CCDC141: variants seen among roughly 807,000 people sequenced by gnomAD.
The protein encoded by CCDC141 is coiled-coil domain containing 141.
Under a neutral mutation model 181.0 loss-of-function variants are expected in CCDC141, and 168 were observed. The observed-to-expected ratio is 0.93, with a 90% CI of 0.82 to 1.05. The LOEUF (loss-of-function observed/expected upper bound fraction) is 1.05. Among genes scored for constraint, CCDC141 ranks in the 50% least tolerant of loss-of-function variants. The probability of loss-of-function intolerance (pLI) is 0.00; values close to 1 mark genes in which losing one functional copy is unlikely to be tolerated. For missense variants in CCDC141, 1,902 were observed against 1,788.5 expected, an observed-to-expected ratio of 1.06 and a Z score of -1.14; for synonymous variants, 666 against 642.3, an observed-to-expected ratio of 1.04 and a Z score of -0.56.
chr2:178,974,850 G>A (rs1691049184), intron 4 of CCDC141, among the ~76,000 whole-genome samples: 6 of 152,074 alleles, frequency 3.9e-5, no homozygotes, highest in Admixed American at 3.9e-4. Context: ...TCTCCTGGAG[G>A]CATATCCTCT....
chr2:179,035,103 G>T (rs2043105536), intron 2 of CCDC141, among the ~76,000 whole-genome samples: 4 of 152,042 alleles, frequency 2.6e-5, no homozygotes, highest in Admixed American at 2.6e-4. Context: ...GTAGATCTCT[G>T]TGTGCTGAAT....
At chr2:178,932,397 C>T (rs1448511382) in intron 6 of CCDC141, among the ~76,000 whole-genome samples, 1 of 152,182 alleles carries the variant, frequency 6.6e-6, no homozygotes, top group African/African-American at 2.4e-5. Flanking sequence ...ATGCTGTATA[C>T]TGCCTGGGAG....
At chr2:179,034,492 A>T (rs1269417557) in intron 2 of CCDC141, among the ~76,000 whole-genome samples, 2 of 152,226 alleles carry the variant, frequency 1.3e-5, no homozygotes, top group African/African-American at 4.8e-5. Flanking sequence ...GTACCTCTGA[A>T]CTTAAGTTTT....
Position 178,978,605 on chromosome 2 carries a change from C to T in CCDC141, c.296G>A (p.Ser99Asn). ...CTCGGCCATGGCATCATAGACCTGA[C>T]TCTGATCCTTGTTCTCTTCAGCTGT... ...DKTAEENKDQSQVYDAMAETL... is the reference protein window; with the variant it reads ...DKTAEENKDQNQVYDAMAETL... Residue 99 changes from serine to asparagine, a missense_variant, in exon 3 of 24, where the codon AGT becomes AAT. Transcript: ENST00000443758. The T allele has an allele frequency of 6.5e-7, 1 of 1,549,856 alleles. No homozygotes were observed.
chr2:179,009,985 A>G (rs958107202), intron 2 of CCDC141, among the ~76,000 whole-genome samples: 2 of 152,174 alleles, frequency 1.3e-5, no homozygotes, highest in African/African-American at 4.8e-5. Context: ...CTTTGGACAC[A>G]CTTTTAGAAA....
the CCDC141 span, among the ~76,000 whole-genome samples, chr2:178,818,862 C>T: frequency 1.3e-5 from 2 of 152,132 alleles, no homozygotes; most frequent in African/African-American, 2.4e-5. Flanking sequence ...ACACTGTCTT[C>T]CACAATTGTT....
intron 2 of CCDC141, among the ~76,000 whole-genome samples, chr2:179,024,970 T>A (rs772811767): frequency 6.6e-6 from 1 of 152,164 alleles, no homozygotes; most frequent in Non-Finnish European, 1.5e-5. Flanking sequence ...GGGGCCTGAA[T>A]ATATGAGTCC....
intron 2 of CCDC141, among the ~76,000 whole-genome samples, chr2:179,018,661 C>T (rs1417439269): frequency 6.6e-6 from 1 of 152,154 alleles, no homozygotes; most frequent in Non-Finnish European, 1.5e-5. Context: ...GTAACTCCTT[C>T]CTGTGGGCTC....
chr2:179,049,089 T>A (rs1345115637), intron 1 of CCDC141, among the ~76,000 whole-genome samples: 2 of 152,228 alleles, frequency 1.3e-5, no homozygotes, highest in African/African-American at 4.8e-5. Flanking sequence ...AGCTTTTTTT[T>A]ACAGGGCATT....
At chr2:178,995,143 C>A (rs541621500) in intron 2 of CCDC141, among the ~76,000 whole-genome samples, 1 of 152,140 alleles carries the variant, frequency 6.6e-6, no homozygotes, top group Non-Finnish European at 1.5e-5. Context: ...CTACGGGTAC[C>A]AATTTACTGT....
chr2:178,998,204 C>T (rs1692375980), intron 2 of CCDC141, among the ~76,000 whole-genome samples: 1 of 152,156 alleles, frequency 6.6e-6, no homozygotes, highest in Non-Finnish European at 1.5e-5. Context: ...AAGTACTTCA[C>T]TAGAATGGAA....
chr2:178,981,197 G>A lies in CCDC141; in HGVS notation c.226-2522C>T, dbSNP rs924482598. On this transcript the variant is annotated intron_variant, in intron 2 of 23. Coordinates refer to ENST00000443758, the MANE Select transcript of CCDC141 (RefSeq NM_173648.4). ...CAGTAATCATTATATCCAGCAGGCCGAAAATTATGAAGCATATAGATGAAC... is the reference window on the plus strand; with the variant it reads ...CAGTAATCATTATATCCAGCAGGCCAAAAATTATGAAGCATATAGATGAAC... 5.9e-5 allele frequency among the ~76,000 whole-genome samples: 9 copies of A among 152,198 alleles called. No homozygotes were observed. The East Asian group carries it at 9.7e-4, about 16-fold the overall frequency.
At chr2:178,919,470 AG>A (rs1339589060) in intron 6 of CCDC141, among the ~76,000 whole-genome samples, 1 of 152,228 alleles carries the variant, frequency 6.6e-6, no homozygotes, top group Non-Finnish European at 1.5e-5. Context: ...AGAAAGAGGC[AG>A]GAAGTTGGGA....
rs1432741114 is a variant in CCDC141, at chr2:178,872,242, T to C, written c.1970A>G (p.Lys657Arg). The C allele has an allele frequency of 6.2e-7, 1 of 1,614,108 alleles. No individual in the cohort carries two copies. Among genetic ancestry groups the C allele is most frequent in the African/African-American group, 1.3e-5 (1 of 75,048 alleles). Residue 657 changes from lysine (K) to arginine (R), a missense_variant, in exon 13 of 24, where the codon AAA (lysine) becomes AGA (arginine). By Grantham distance (26) the Lys-to-Arg change is conservative. Coordinates refer to ENST00000443758, the MANE Select transcript of CCDC141 (RefSeq NM_173648.4). ...YLMKNTMENQ[K>R]AEREELSLLR... Reference sequence around the variant, plus strand: ...GAGGCTAAGTTCTTCCCGTTCTGCTTTCTGGTTTTCCATGGTGTTCTTCAT... The same window carrying C: ...GAGGCTAAGTTCTTCCCGTTCTGCTCTCTGGTTTTCCATGGTGTTCTTCAT...
At chr2:178,900,806 C>T (rs13416260) in intron 8 of CCDC141, among the ~76,000 whole-genome samples, 7,297 of 152,046 alleles carry the variant, frequency 0.048, 469 homozygotes, top group South Asian at 0.21. Flanking sequence ...GTCAAGAGGC[C>T]GGGACTGGAT....
chr2:178,906,162 C>G (rs1331826207), intron 7 of CCDC141, among the ~76,000 whole-genome samples: 1 of 152,172 alleles, frequency 6.6e-6, no homozygotes, highest in Non-Finnish European at 1.5e-5. Flanking sequence ...AAAACATAGC[C>G]TTGCAAACCA....
intron 21 of CCDC141, among the ~76,000 whole-genome samples, chr2:178,849,201 A>T (rs921233964): frequency 6.6e-6 from 1 of 152,234 alleles, no homozygotes; most frequent in Non-Finnish European, 1.5e-5. Flanking sequence ...CTGCAAGACC[A>T]CCACTAGGCC....
At chr2:178,853,315 T>C (rs887370551) in intron 20 of CCDC141, 126 bp downstream of exon 20, 2 of 786,594 alleles carry the variant, frequency 2.5e-6, no homozygotes, top group Non-Finnish European at 4.0e-6. Context: ...ACCTTGAACA[T>C]TTTCCCTGAA....
chr2:178,853,488 T>C lies in CCDC141; in HGVS notation c.3197A>G (p.Gln1066Arg), dbSNP rs756615282. ...AGTGGCCTCCTGAATCCTTTCTTCT[T>C]GCTGCGGCACTGAGGGTGCAATAAA... The part of the protein sequence containing the change: ...NKFIAPSVPQ[Q>R]EERIQEATDL... Residue 1066 changes from glutamine (Q) to arginine (R), a missense_variant, in exon 20 of 24, where the codon CAA becomes CGA. Coordinates refer to ENST00000443758, the MANE Select transcript of CCDC141 (RefSeq NM_173648.4). 4 of 1,614,180 alleles carry C rather than the reference T, an allele frequency of 2.5e-6. No homozygotes were observed. Among genetic ancestry groups the C allele is most frequent in the South Asian group, 1.1e-5 (1 of 91,082 alleles).
Sources: gnomAD v4.1 joint callset for allele counts (sites outside exome capture counted in the v4.1 genomes callset) on GRCh38, gnomAD v4.1.1 for gene constraint, MANE v1.5 for transcripts, NCBI Gene and HGNC (gene_info 2026-07-23, HGNC 2026-07-21) for gene names.